The following MLLT10 variants were observed in gnomAD, a reference collection of about 807,000 sequenced individuals.
MLLT10 encodes MLLT10 histone lysine methyltransferase DOT1L cofactor.
In MLLT10, 30 loss-of-function variants were observed where a neutral mutation model predicts 129.1. The observed-to-expected ratio is 0.23, with a 90% CI of 0.17 to 0.32. The LOEUF is 0.32. Among genes scored for constraint, MLLT10 ranks in the 10% least tolerant of loss-of-function variants. MLLT10 has a pLI of 1.00. For missense variants in MLLT10, 1,119 were observed against 1,268.3 expected (o/e 0.88, Z 1.79); for synonymous variants, 490 against 446.4 (o/e 1.10, Z -1.23).
chr10:21,656,166 A>G (rs547086364), intron 9 of MLLT10, among the ~76,000 whole-genome samples: 1 of 152,216 alleles, frequency 6.6e-6, no homozygotes, highest in East Asian at 1.9e-4. Flanking sequence ...CTTCAGTCAT[A>G]GGTTCCTTTT....
chr10:21,708,721 C>A, intron 13 of MLLT10: 1 of 985,190 alleles, frequency 1.0e-6, no homozygotes, highest in Non-Finnish European at 1.2e-6. Flanking sequence ...CCTTAATCAC[C>A]ACGATTTTGC....
At chr10:21,603,816 T>A (rs1044026750) in intron 5 of MLLT10, among the ~76,000 whole-genome samples, 1 of 140,598 alleles carries the variant, frequency 7.1e-6, no homozygotes, top group Admixed American at 7.1e-5. Context: ...GTTGACAGTT[T>A]TTGTTTTTTT....
chr10:21,584,607 C>T (rs1179416238), intron 3 of MLLT10, among the ~76,000 whole-genome samples: 1 of 152,076 alleles, frequency 6.6e-6, no homozygotes, highest in African/African-American at 2.4e-5. Context: ...AGGCACTGCA[C>T]CCGGCCTCAT....
intron 4 of MLLT10, among the ~76,000 whole-genome samples, chr10:21,593,926 TAAAAAAAAAAAAA>T (rs61561146): frequency 1.6e-3 from 74 of 45,428 alleles, no homozygotes; most frequent in Middle Eastern, 0.017. Flanking sequence ...GCTTTGTCTT[TAAAAAAAAAAAAA>T]AAAAAAAAAA....
intron 3 of MLLT10, among the ~76,000 whole-genome samples, chr10:21,559,836 T>C (rs572773777): frequency 6.6e-6 from 1 of 152,380 alleles, no homozygotes; most frequent in Admixed American, 6.5e-5. Context: ...ATACCGTGTT[T>C]TGTTTATCCA....
At chr10:21,534,563 G>A (rs1244053462) in intron 1 of MLLT10, 43 bp downstream of exon 1, 2 of 1,415,584 alleles carry the variant, frequency 1.4e-6, no homozygotes, top group Non-Finnish European at 1.9e-6. Flanking sequence ...GGGGCGCCGG[G>A]GCGGGCTCGG....
At chr10:21,657,145 A>G (rs2049672784) in intron 9 of MLLT10, among the ~76,000 whole-genome samples, 1 of 152,154 alleles carries the variant, frequency 6.6e-6, no homozygotes, top group African/African-American at 2.4e-5. Context: ...TAATTCCAGC[A>G]CTTTGGGAGG....
chr10:21,548,560 G>A (rs1254737511), intron 3 of MLLT10, among the ~76,000 whole-genome samples: 2 of 151,846 alleles, frequency 1.3e-5, no homozygotes, highest in Non-Finnish European at 2.9e-5. Context: ...TAGCAGAGAC[G>A]GGGTTTTTCC....
At chr10:21,733,127 G>A in intron 18 of MLLT10, 40 bp downstream of exon 18, 3 of 1,536,314 alleles carry the variant, frequency 2.0e-6, no homozygotes, top group African/African-American at 1.4e-5. Context: ...AAGGAAAATA[G>A]GCTTTCAGTT....
At chr10:21,587,047 T>G (rs1353114763) in intron 4 of MLLT10, among the ~76,000 whole-genome samples, 1 of 151,838 alleles carries the variant, frequency 6.6e-6, no homozygotes, top group Admixed American at 6.6e-5. Context: ...AGATGATGTT[T>G]CTAGTGAATG....
chr10:21,642,484 CCGTCT>C (rs2048105357), intron 8 of MLLT10, among the ~76,000 whole-genome samples: 1 of 152,090 alleles, frequency 6.6e-6, no homozygotes, highest in Non-Finnish European at 1.5e-5. Context: ...TGGTGAAACC[CCGTCT>C]CTACTAAAAA....
Position 21,717,695 on chromosome 10 carries a change from CTCCTCT to C in MLLT10, c.1878+3751_1878+3756del, listed in dbSNP as rs1334149912. ...CCTCCTCTTCCTCCTCCTCCTCCTC[CTCCTCT>C]TCCTCCTCCTCCTCTTCCTCCTCCT... is the stretch of plus-strand genomic sequence containing the variant. On this transcript the variant is annotated intron_variant, in intron 14 of 22. Coordinates refer to ENST00000307729, the MANE Select transcript of MLLT10 (RefSeq NM_001195626.3). 2.9e-4 allele frequency among the ~76,000 whole-genome samples: 33 copies of C among 113,562 alleles called. 1 individual carries two copies. Among genetic ancestry groups the C allele is most frequent in the African/African-American group, 1.2e-3 (30 of 25,376 alleles). 74.5% of individuals were successfully genotyped at this position (113,562 alleles called of 152,430 possible).
At chr10:21,702,790 C>A (rs557601934) in intron 13 of MLLT10, among the ~76,000 whole-genome samples, 2 of 151,714 alleles carry the variant, frequency 1.3e-5, no homozygotes, top group Admixed American at 6.6e-5. Context: ...TTTTTTCATA[C>A]CTTTACTTTC....
intron 13 of MLLT10, among the ~76,000 whole-genome samples, chr10:21,704,208 C>T (rs1275233349): frequency 3.3e-5 from 5 of 149,442 alleles, no homozygotes; most frequent in African/African-American, 7.4e-5. Context: ...GAGGTTTTGC[C>T]GTGTTGGCCA....
intron 8 of MLLT10, among the ~76,000 whole-genome samples, chr10:21,632,102 T>A (rs1158259615): frequency 1.3e-5 from 2 of 152,178 alleles, no homozygotes; most frequent in African/African-American, 4.8e-5. Context: ...CTTAAATAAA[T>A]AACTTGTTAA....
At chr10:21,688,553 C>G (rs368895694) in intron 13 of MLLT10, 9 of 1,607,026 alleles carry the variant, frequency 5.6e-6, no homozygotes, top group Admixed American at 5.0e-5. Flanking sequence ...GTACCAAACT[C>G]CAGCATGGTT....
chr10:21,638,185 A>G (rs796504792), intron 8 of MLLT10, among the ~76,000 whole-genome samples: 26 of 141,450 alleles, frequency 1.8e-4, no homozygotes, highest in Admixed American at 5.4e-4. Flanking sequence ...CTTTTCCTCT[A>G]AAGGACCAGA....
intron 8 of MLLT10, among the ~76,000 whole-genome samples, chr10:21,618,474 C>T (rs1265856210): frequency 2.0e-5 from 3 of 151,962 alleles, no homozygotes; most frequent in Non-Finnish European, 4.4e-5. Flanking sequence ...CACTGCACTC[C>T]AGCCTGGGCG....
At chr10:21,737,038 A>G (rs1405301276) in intron 21 of MLLT10, among the ~76,000 whole-genome samples, 3 of 152,174 alleles carry the variant, frequency 2.0e-5, no homozygotes, top group East Asian at 3.9e-4. Context: ...GGAGGAGTCA[A>G]CTGTGTAAAA....
Sources: gnomAD v4.1 joint callset for allele counts (sites outside exome capture counted in the v4.1 genomes callset) on GRCh38, gnomAD v4.1.1 for gene constraint, MANE v1.5 for transcripts, NCBI Gene and HGNC (gene_info 2026-07-23, HGNC 2026-07-21) for gene names.